CNTNAP2: variants seen among roughly 807,000 people sequenced by gnomAD.
CNTNAP2 encodes contactin associated protein 2.
A neutral mutation model predicts 155.2 loss-of-function variants in CNTNAP2; 98 were observed. That is an observed-to-expected ratio of 0.63 (90% CI 0.54 to 0.75). CNTNAP2 has a LOEUF of 0.75. Among genes scored for constraint, CNTNAP2 ranks in the 30% least tolerant of loss-of-function variants. The probability of loss-of-function intolerance (pLI) is 0.00; values close to 1 mark genes in which losing one functional copy is unlikely to be tolerated. For synonymous variants in CNTNAP2, 651 were observed against 631.2 expected, an observed-to-expected ratio of 1.03 and a Z score of -0.47; for missense variants, 1,727 against 1,688.1, an observed-to-expected ratio of 1.02 and a Z score of -0.40.
At chr7:147,742,081 T>A (rs536071028) in intron 13 of CNTNAP2, among the ~76,000 whole-genome samples, 13 of 152,206 alleles carry the variant, frequency 8.5e-5, no homozygotes, top group African/African-American at 3.1e-4. Flanking sequence ...CCATCAGATC[T>A]CGTGAGACTT....
intron 17 of CNTNAP2, among the ~76,000 whole-genome samples, chr7:148,155,611 G>T (rs779117052): frequency 4.6e-5 from 7 of 152,188 alleles, no homozygotes; most frequent in Non-Finnish European, 7.3e-5. Flanking sequence ...CCATTTCAAA[G>T]AGATGACTCC....
In CNTNAP2 at chr7:147,079,507, A is replaced by T. The variant is rs563815541; in HGVS notation, c.551-28640A>T. On this transcript the variant is annotated intron_variant, in intron 4 of 23. Transcript: ENST00000361727. ...ATACCTAATGCTAAATGACAAGTTA[A>T]TGGTTGCGGCACACCAACATGGCAT... Among the ~76,000 whole-genome samples the T allele has an allele frequency of 1.2e-3, 177 of 152,104 alleles. 1 individual carries two copies. Among genetic ancestry groups the T allele is most frequent in the African/African-American group, 4.1e-3 (169 of 41,482 alleles).
chr7:147,252,650 G>T (rs916128732), intron 8 of CNTNAP2, among the ~76,000 whole-genome samples: 3 of 152,136 alleles, frequency 2.0e-5, no homozygotes, highest in Non-Finnish European at 4.4e-5. Flanking sequence ...GGGGGAAGGT[G>T]ATATGAGATG....
chr7:148,078,667 G>C (rs1351199437), intron 15 of CNTNAP2, among the ~76,000 whole-genome samples: 1 of 152,024 alleles, frequency 6.6e-6, no homozygotes, highest in Admixed American at 6.6e-5. Flanking sequence ...TTTTAGTAGA[G>C]ACAGGGTTTC....
At chr7:147,752,241 G>A (rs76237856) in intron 13 of CNTNAP2, among the ~76,000 whole-genome samples, 28,601 of 152,120 alleles carry the variant, frequency 0.19, 3,046 homozygotes, top group Middle Eastern at 0.38. Flanking sequence ...CTTTCAGAAT[G>A]TATAGTAATT....
intron 11 of CNTNAP2, among the ~76,000 whole-genome samples, chr7:147,511,145 G>A (rs1799013187): frequency 1.3e-5 from 2 of 151,882 alleles, no homozygotes; most frequent in African/African-American, 4.8e-5. Context: ...TAAGAATTAA[G>A]CTATTGTGTC....
chr7:147,212,721 C>T (rs192374734), intron 8 of CNTNAP2, among the ~76,000 whole-genome samples: 7 of 152,150 alleles, frequency 4.6e-5, no homozygotes, highest in African/African-American at 1.7e-4. Flanking sequence ...TGAACATGTT[C>T]CCCTGAATCT....
intron 1 of CNTNAP2, among the ~76,000 whole-genome samples, chr7:146,174,716 G>A (rs1487390609): frequency 6.6e-6 from 1 of 151,760 alleles, no homozygotes; most frequent in Non-Finnish European, 1.5e-5. Context: ...GTGGTGGGCA[G>A]CTGAAATCCC....
chr7:146,690,964 C>A (rs1221229466), intron 1 of CNTNAP2, among the ~76,000 whole-genome samples: 1 of 152,064 alleles, frequency 6.6e-6, no homozygotes, highest in African/African-American at 2.4e-5. Flanking sequence ...TGCAGTCACA[C>A]CTTTACTATT....
intron 13 of CNTNAP2, among the ~76,000 whole-genome samples, chr7:147,856,496 G>A (rs1253726367): frequency 6.6e-6 from 1 of 152,148 alleles, no homozygotes; most frequent in Non-Finnish European, 1.5e-5. Flanking sequence ...TATGTTCGAA[G>A]GCAGGGAAAG....
At chr7:146,743,592 G>A (rs1003737158) in intron 1 of CNTNAP2, among the ~76,000 whole-genome samples, 2 of 149,194 alleles carry the variant, frequency 1.3e-5, no homozygotes, top group Admixed American at 6.7e-5. Context: ...TTTTTAATGT[G>A]TCTTAAGTAC....
intron 21 of CNTNAP2, among the ~76,000 whole-genome samples, chr7:148,287,744 C>A (rs1325325630): frequency 4.0e-5 from 6 of 151,360 alleles, no homozygotes; most frequent in Non-Finnish European, 8.8e-5. Context: ...GGTGAGAAGG[C>A]AAGACCAGGT....
chr7:147,818,093 A>G (rs1283460493), intron 13 of CNTNAP2, among the ~76,000 whole-genome samples: 1 of 152,044 alleles, frequency 6.6e-6, no homozygotes, highest in African/African-American at 2.4e-5. Flanking sequence ...ACATAACTGT[A>G]TATCTTAAAA....
Position 148,366,134 on chromosome 7 carries a change from G to A in CNTNAP2, c.3476-17515G>A, listed in dbSNP as rs13309704. ...TATGCATGTATGTGTATGCATGTAT[G>A]CATGTATGTGTATGCATGTATGCAT... is the stretch of plus-strand genomic sequence containing the variant. On this transcript the variant is annotated intron_variant, in intron 21 of 23. Transcript: ENST00000361727. 4.9e-3 allele frequency among the ~76,000 whole-genome samples: 7 copies of A among 1,430 alleles called. 3 individuals are homozygous for A. The highest frequency in any genetic ancestry group is 0.02 in the Non-Finnish European group (4 of 204). 0.9% of individuals were successfully genotyped at this position (1,430 alleles called of 152,430 possible).
chr7:147,925,240 T>C (rs1000184139), intron 14 of CNTNAP2, among the ~76,000 whole-genome samples: 91 of 148,718 alleles, frequency 6.1e-4, no homozygotes, highest in Non-Finnish European at 1.2e-3. Flanking sequence ...CACAGCAAAG[T>C]ACCCCCTACC....
chr7:148,285,095 A>C lies in CNTNAP2; in HGVS notation c.3475+17969A>C, dbSNP rs1348414023. 5.3e-5 allele frequency among the ~76,000 whole-genome samples: 8 copies of C among 152,354 alleles called. 1 individual carries two copies. In the East Asian group the frequency reaches 1.5e-3, roughly 29 times the overall value. Reference sequence around the variant, plus strand: ...AATAATCCTGCTATAAAAAGCATTAAATGTTTATAACAGATATTTAATGGG... The same window carrying C: ...AATAATCCTGCTATAAAAAGCATTACATGTTTATAACAGATATTTAATGGG... On this transcript the variant is annotated intron_variant, in intron 21 of 23. Coordinates refer to ENST00000361727, the MANE Select transcript of CNTNAP2 (RefSeq NM_014141.6).
chr7:147,638,841 C>CTTT (rs71874555), intron 12 of CNTNAP2: 67 of 508,256 alleles, frequency 1.3e-4, no homozygotes, highest in South Asian at 2.1e-4. Flanking sequence ...GATACAAAAG[C>CTTT]TTTTTTTTTT....
At chr7:146,177,387 A>G (rs1798485488) in intron 1 of CNTNAP2, among the ~76,000 whole-genome samples, 1 of 152,202 alleles carries the variant, frequency 6.6e-6, no homozygotes, top group Non-Finnish European at 1.5e-5. Flanking sequence ...AAAAACAACA[A>G]CAGACTATTA....
intron 1 of CNTNAP2, among the ~76,000 whole-genome samples, chr7:146,227,280 C>T (rs1404182352): frequency 6.6e-6 from 1 of 151,714 alleles, no homozygotes; most frequent in African/African-American, 2.4e-5. Context: ...ACAAAATTAT[C>T]TGGGTGTGGT....
Sources: gnomAD v4.1 joint callset for allele counts (sites outside exome capture counted in the v4.1 genomes callset) on GRCh38, gnomAD v4.1.1 for gene constraint, MANE v1.5 for transcripts, NCBI Gene and HGNC (gene_info 2026-07-23, HGNC 2026-07-21) for gene names.